The following NXF1 variants were observed in gnomAD, a reference collection of about 807,000 sequenced individuals.
NXF1 encodes the protein nuclear RNA export factor 1.
In NXF1, 43 loss-of-function variants were observed where a neutral mutation model predicts 92.4. The observed-to-expected ratio is 0.47, with a 90% CI of 0.36 to 0.60. The LOEUF is 0.60. Ranked by LOEUF, NXF1 falls within the 20% of genes least tolerant of loss-of-function variation. The pLI, the probability that NXF1 is intolerant of heterozygous loss-of-function variation, is 0.00. For missense variants in NXF1, 576 were observed against 793.0 expected (o/e 0.73, Z 3.29); for synonymous variants, 288 against 292.2 (o/e 0.99, Z 0.15).
chr11:62,799,144 G>C, intron 10 of NXF1: 1 of 983,212 alleles, frequency 1.0e-6, no homozygotes, highest in Non-Finnish European at 1.2e-6. Context: ...GGGAGGTATA[G>C]GAGACAGACA....
In NXF1 at chr11:62,792,195, A is replaced by C; in HGVS notation, c.*281T>G. 1 of 641,196 alleles carries C rather than the reference A, an allele frequency of 1.6e-6. No individual in the cohort carries two copies. Among genetic ancestry groups the C allele is most frequent in the Non-Finnish European group, 2.7e-6 (1 of 372,624 alleles). 39.7% of individuals were successfully genotyped at this position (641,196 alleles called of 1,614,324 possible). On this transcript the variant is annotated 3_prime_UTR_variant, in exon 21 of 21. Transcript: ENST00000294172. ...ATACAACATCACTCTTTATATTAAA[A>C]AGTAAGGAGGTCCTGGGGTTAAGTA...
chr11:62,805,380 G>C lies in NXF1; in HGVS notation c.-24C>G. ...ATGCCACAGCGAAGATCAAGGGCGG[G>C]CTCAGGCGCTGGCCGCTACGCCGGC... is the stretch of plus-strand genomic sequence containing the variant. On this transcript the variant is annotated 5_prime_UTR_variant, in exon 1 of 21. Transcript: ENST00000294172. The C allele has an allele frequency of 6.2e-7, 1 of 1,610,672 alleles. No homozygotes were observed. Among genetic ancestry groups the C allele is most frequent in the Non-Finnish European group, 8.5e-7 (1 of 1,178,586 alleles).
intron 18 of NXF1, 104 bp downstream of exon 18, chr11:62,794,831 G>T: frequency 9.6e-7 from 1 of 1,041,948 alleles, no homozygotes; most frequent in African/African-American, 1.6e-5. Flanking sequence ...CTGATTTCCT[G>T]TTGCCTTTCT....
intron 9 of NXF1, 151 bp from the exon 10 acceptor site, chr11:62,800,637 T>C (rs1003882568): frequency 3.5e-6 from 2 of 578,128 alleles, no homozygotes; most frequent in South Asian, 2.2e-5. Context: ...AGGGTCTCAC[T>C]CTGTCACCCA....
Position 62,805,259 on chromosome 11 carries a change from T to C in NXF1, c.28+70A>G, listed in dbSNP as rs2084524086. ...CCTAGCGGCCTCACGCCCCGGGGGC[T>C]GAGGCCTAGGCCGGCGCCGCCCACC... On this transcript the variant is annotated intron_variant, in intron 1 of 20. Transcript: ENST00000294172. The C allele has an allele frequency of 3.3e-6, 5 of 1,507,232 alleles. No homozygotes were observed. In the South Asian group the frequency reaches 6.4e-5, roughly 19 times the overall value. 93.4% of individuals were successfully genotyped at this position (1,507,232 alleles called of 1,614,324 possible).
At chr11:62,796,653 C>G (rs1028901956) in intron 13 of NXF1, 86 bp from the exon 14 acceptor site, 1 of 885,958 alleles carries the variant, frequency 1.1e-6, no homozygotes, top group Admixed American at 2.1e-5. Context: ...GAGTTGTGGC[C>G]GGGCATGGAA....
In NXF1 at chr11:62,796,046, A is replaced by G. The variant is rs1181550493; in HGVS notation, c.1461+20T>C. 6.5e-7 allele frequency: 1 copy of G among 1,531,756 alleles called. No homozygotes were observed. The highest frequency in any genetic ancestry group is 8.8e-7 in the Non-Finnish European group (1 of 1,131,684). 94.9% of individuals were successfully genotyped at this position (1,531,756 alleles called of 1,614,324 possible). A position where few individuals can be genotyped will look rare whatever the true frequency, so the allele number is the denominator to read the frequency against. On this transcript the variant is annotated intron_variant, in intron 16 of 20. Transcript: ENST00000294172. ...CCCACCCCAATTCTAGGCTTCTGTC[A>G]GGCGCAAGCAGGAGCTTACTGTCTG...
At chr11:62,804,242 G>T (rs891824146) in intron 1 of NXF1, 1 of 1,443,436 alleles carries the variant, frequency 6.9e-7, no homozygotes, top group East Asian at 3.0e-5. Flanking sequence ...ATGTAGAAAT[G>T]TGAGACCCAA....
Position 62,795,787 on chromosome 11 carries a change from A to G in NXF1, c.1504+114T>C, listed in dbSNP as rs568306177. 6.2e-4 allele frequency: 617 copies of G among 1,002,924 alleles called. 1 individual carries two copies. Among genetic ancestry groups the G allele is most frequent in the Non-Finnish European group, 8.2e-4 (530 of 644,002 alleles). The allele number at this position is 1,002,924 out of a possible 1,614,324, so 62.1% of individuals were successfully genotyped here. The stretch of plus-strand genomic sequence containing the variant: ...AGACGGCTTGGGGGCAGAATGGGAG[A>G]AGGAGCTCAAAAAGAAAATGGGAGA... On this transcript the variant is annotated intron_variant, in intron 17 of 20. Coordinates refer to ENST00000294172, the MANE Select transcript of NXF1 (RefSeq NM_006362.5).
chr11:62,796,141 A>G lies in NXF1; in HGVS notation c.1386T>C (p.Val462=), dbSNP rs2134762584. 1 of 1,614,134 alleles carries G rather than the reference A, an allele frequency of 6.2e-7. No homozygotes were observed. The change falls in exon 16 of 21, where the codon GTT becomes GTC. Residue 462 remains valine, a synonymous_variant. Coordinates refer to ENST00000294172, the MANE Select transcript of NXF1 (RefSeq NM_006362.5). The part of the protein sequence containing the change: ...FRLLKHTRLN[V]VAFLNELPKT... ...TGGGCAACTCATTGAGGAAGGCAAC[A>G]ACGTTGAGACGCGTGTGCTTCAGCA...
In NXF1 at chr11:62,803,472, C is replaced by G. The variant is rs1196817706; in HGVS notation, c.316G>C (p.Gly106Arg). 7 of 1,613,960 alleles carry G rather than the reference C, an allele frequency of 4.3e-6. No homozygotes were observed. Among genetic ancestry groups the G allele is most frequent in the African/African-American group, 1.3e-5 (1 of 74,914 alleles). ...VRRDRAPPER[G>R]GAGTSQDGTS... Reference sequence around the variant, plus strand: ...CCATCCTGGCTGGTGCCAGCCCCTCCTCTCTCTGGAGGAGCTCTGTCTCTC... The same window carrying G: ...CCATCCTGGCTGGTGCCAGCCCCTCGTCTCTCTGGAGGAGCTCTGTCTCTC... Residue 106 changes from glycine to arginine, a missense_variant, in exon 3 of 21, where the codon GGA becomes CGA. By Grantham distance (125) the Gly-to-Arg change is moderately radical (BLOSUM62 -2). This residue lies in a region of NXF1 where 151 missense variants were observed against 157.8 expected (regional missense o/e 0.96). Transcript: ENST00000294172.
intron 10 of NXF1, chr11:62,799,111 G>A (rs1369062501): frequency 1.0e-6 from 1 of 984,694 alleles, no homozygotes. Flanking sequence ...AAGGCAAGAT[G>A]GGGCAGGGGC....
chr11:62,799,125 G>A (rs1211395275), intron 10 of NXF1: 2 of 982,512 alleles, frequency 2.0e-6, no homozygotes, highest in African/African-American at 3.5e-5. Context: ...CAGGGGCAAG[G>A]GAGAGATGGG....
chr11:62,803,003 G>A (rs542909607), intron 3 of NXF1, among the ~76,000 whole-genome samples: 10 of 152,284 alleles, frequency 6.6e-5, no homozygotes, highest in Admixed American at 3.9e-4. Context: ...ATAGATACTT[G>A]AGTGTGGAGT....
At chr11:62,794,481 C>A in intron 18 of NXF1, 41 bp from the exon 19 acceptor site, 1 of 1,533,792 alleles carries the variant, frequency 6.5e-7, no homozygotes, top group South Asian at 1.1e-5. Flanking sequence ...ACAGAGATAA[C>A]ATCATCCTCC....
At chr11:62,801,012 C>A in intron 9 of NXF1, 82 bp downstream of exon 9, 1 of 1,033,074 alleles carries the variant, frequency 9.7e-7, no homozygotes, top group Non-Finnish European at 1.5e-6. Context: ...AGTTCTCTCT[C>A]TTGCCTCTTG....
chr11:62,802,193 G>A lies in NXF1; in HGVS notation c.437C>T (p.Pro146Leu). Residue 146 changes from proline to leucine, a missense_variant, in exon 4 of 21, where the codon CCC (proline) becomes CTC (leucine). Around this residue, in one of 2 missense-constraint regions of NXF1, gnomAD observed 425 missense variants for 635.2 expected, o/e 0.67. Transcript: ENST00000294172. ...TTGTCTTACCTCAATAGGGGTGAAGGGCACACTGCACTTGCTCTGAATCAT... is the reference window on the plus strand; with the variant it reads ...TTGTCTTACCTCAATAGGGGTGAAGAGCACACTGCACTTGCTCTGAATCAT... The part of the protein sequence containing the change: ...LSMIQSKCSV[P>L]FTPIEFHYEN... The A allele has an allele frequency of 6.2e-7, 1 of 1,614,144 alleles. No individual in the cohort carries two copies. The highest frequency in any genetic ancestry group is 1.7e-5 in the Admixed American group (1 of 60,028).
Position 62,795,908 on chromosome 11 carries a change from G to A in NXF1, c.1497C>T (p.Phe499=), listed in dbSNP as rs1300320236. 3 of 1,613,552 alleles carry A rather than the reference G, an allele frequency of 1.9e-6. No individual in the cohort carries two copies. The Admixed American group carries it at 5.0e-5, about 27-fold the overall frequency. ...TLLCFSVNGV[F]KEVDGKSRDS... ...GACTCTAAAGATTCTTACCTTCCTT[G>A]AAGACTCCATTGACAGAAAAACACA... The change falls in exon 17 of 21, where the codon TTC becomes TTT. Residue 499 remains phenylalanine (F), a synonymous_variant. Transcript: ENST00000294172.
At chr11:62,798,604 T>C (rs766815532) in intron 10 of NXF1, 29 bp from the exon 11 acceptor site, 3 of 1,613,560 alleles carry the variant, frequency 1.9e-6, no homozygotes, top group African/African-American at 2.7e-5. Context: ...AAGTGAGTGA[T>C]GCTTCAGAGC....
Sources: gnomAD v4.1 joint callset for allele counts (sites outside exome capture counted in the v4.1 genomes callset) on GRCh38, gnomAD v4.1.1 for gene constraint, gnomAD v4.1.1 regional missense constraint, MANE v1.5 for transcripts, NCBI Gene and HGNC (gene_info 2026-07-23, HGNC 2026-07-21) for gene names.